The following UGT2A1 variants were observed in gnomAD, a reference collection of about 807,000 sequenced individuals.
UGT2A1 encodes UDP glucuronosyltransferase family 2 member A1 complex locus.
A neutral mutation model predicts 45.4 loss-of-function variants in UGT2A1; 61 were observed. That is an observed-to-expected ratio of 1.34 (90% confidence interval 1.09 to 1.66). UGT2A1 has a LOEUF of 1.66. UGT2A1 is among the 40% of genes most tolerant of loss of function. The pLI is 0.00. For missense variants in UGT2A1, 649 were observed against 574.3 expected (o/e 1.13, Z -1.33); for synonymous variants, 229 against 196.2 (o/e 1.17, Z -1.40).
chr4:69,596,437 G>T (rs1216456038), intron 4 of UGT2A1: 1 of 1,419,248 alleles, frequency 7.0e-7, no homozygotes, highest in Non-Finnish European at 9.3e-7. Flanking sequence ...GAAAAAATAA[G>T]TTTACTTACA....
rs574396394 is a variant in UGT2A1, at chr4:69,642,942, G to T, written c.715+3988C>A. 1.2e-3 allele frequency among the ~76,000 whole-genome samples: 187 copies of T among 151,046 alleles called. 1 individual carries two copies. The highest frequency in any genetic ancestry group is 3.1e-3 in the Admixed American group (47 of 15,116). On this transcript the variant is annotated intron_variant, in intron 2 of 6. Transcript: ENST00000286604. ...CTCCCCTTAAATGTGCCCAGTTTTG[G>T]TGTTTTTTTTTAAATAAAAGTAAAA...
chr4:69,620,466 A>G (rs1720684344), intron 3 of UGT2A1, among the ~76,000 whole-genome samples: 1 of 147,880 alleles, frequency 6.8e-6, no homozygotes, highest in Non-Finnish European at 1.5e-5. Flanking sequence ...AACACTGCTC[A>G]AAGAAATCAG....
chr4:69,614,461 A>AT (rs60158482), intron 3 of UGT2A1, among the ~76,000 whole-genome samples: 59,817 of 151,460 alleles, frequency 0.39, 12,113 homozygotes, highest in African/African-American at 0.48. Context: ...CAAATTAAAA[A>AT]ATATATATAT....
Position 69,605,668 on chromosome 4 carries a change from A to T in UGT2A1, c.848-6274T>A. Among the ~76,000 whole-genome samples the T allele has an allele frequency of 1.5e-5, 2 of 136,738 alleles. 1 individual carries two copies. The highest frequency in any genetic ancestry group is 3.1e-5 in the Non-Finnish European group (2 of 64,332). The allele number at this position is 136,738 out of a possible 152,430, so 89.7% of individuals were successfully genotyped here. On this transcript the variant is annotated intron_variant, in intron 3 of 6. Coordinates refer to ENST00000286604, the MANE Select transcript of UGT2A1 (RefSeq NM_001252275.3). Reference sequence around the variant, plus strand: ...TTGAAAAGATCAACCAAACTGATAGACCACTAGCAAGACTAATAAAGAAGA... The same window carrying T: ...TTGAAAAGATCAACCAAACTGATAGTCCACTAGCAAGACTAATAAAGAAGA...
chr4:69,624,844 AT>A (rs932667990), intron 3 of UGT2A1, among the ~76,000 whole-genome samples: 15 of 151,414 alleles, frequency 9.9e-5, no homozygotes, highest in Admixed American at 2.0e-4. Flanking sequence ...ATTAAATAAC[AT>A]TTTTTAAGTC....
intron 1 of UGT2A1, among the ~76,000 whole-genome samples, chr4:69,651,360 A>G (rs1722517135): frequency 1.3e-5 from 2 of 152,164 alleles, no homozygotes; most frequent in Non-Finnish European, 2.9e-5. Context: ...AAAACATCAC[A>G]AATATGTCAT....
chr4:69,610,103 T>G (rs1157961879), intron 3 of UGT2A1, among the ~76,000 whole-genome samples: 1 of 152,238 alleles, frequency 6.6e-6, no homozygotes, highest in African/African-American at 2.4e-5. Flanking sequence ...GCAGCAAAAC[T>G]TTACACTCAT....
intron 2 of UGT2A1, among the ~76,000 whole-genome samples, chr4:69,642,954 A>T (rs943844958): frequency 4.6e-5 from 7 of 151,114 alleles, no homozygotes; most frequent in African/African-American, 1.7e-4. Context: ...GTTTTTTTTT[A>T]AATAAAAGTA....
Position 69,594,652 on chromosome 4 carries a change from C to T in UGT2A1, c.1129G>A (p.Gly377Arg). Residue 377 changes from glycine to arginine, a missense_variant, in exon 6 of 7, where the codon GGG becomes AGG. By Grantham distance (125) the Gly-to-Arg change is moderately radical. Coordinates refer to ENST00000286604, the MANE Select transcript of UGT2A1 (RefSeq NM_001252275.3). The stretch of plus-strand genomic sequence containing the variant: ...CCGTGGTAAATAGCTTCGTAGATCC[C>T]ATTAGTTCCACCATGAGTGATAAAA... ...KAFITHGGTN[G>R]IYEAIYHGVP... 2.5e-6 allele frequency: 4 copies of T among 1,614,028 alleles called. No individual in the cohort carries two copies. The highest frequency in any genetic ancestry group is 3.4e-6 in the Non-Finnish European group (4 of 1,180,014).
At chr4:69,591,084 T>C (rs1718570218) in intron 6 of UGT2A1, among the ~76,000 whole-genome samples, 1 of 152,174 alleles carries the variant, frequency 6.6e-6, no homozygotes, top group African/African-American at 2.4e-5. Context: ...TATTTAGAAA[T>C]TTCTAACAGT....
At position 69,598,729 on chromosome 4, in the gene UGT2A1, G is replaced by T. The variant is rs369966799; in HGVS notation, c.996+517C>A. On this transcript the variant is annotated intron_variant, in intron 4 of 6. Transcript: ENST00000286604. ...AAAAGAGTTTTTTTTTTAACCAATT[G>T]TTTCCTAACAGTAGATGGCACAACT... Among the ~76,000 whole-genome samples the T allele has an allele frequency of 5.9e-5, 9 of 151,870 alleles. No individual in the cohort carries two copies. The East Asian group carries it at 9.7e-4, about 16-fold the overall frequency.
rs369906858 is a variant in UGT2A1 at position 69,639,007 on chromosome 4, G to T, written c.716-3185C>A. 5.6e-6 allele frequency: 9 copies of T among 1,613,048 alleles called. No individual in the cohort carries two copies. In the African/African-American group the frequency reaches 6.7e-5, roughly 12 times the overall value. Reference sequence around the variant, plus strand: ...TTAATCCTTTCACCAAAGGTCATCTGGTCAGTGAGCTCTGATAAGGCTGCC... The same window carrying T: ...TTAATCCTTTCACCAAAGGTCATCTTGTCAGTGAGCTCTGATAAGGCTGCC... On this transcript the variant is annotated intron_variant, in intron 2 of 6. Transcript: ENST00000286604.
chr4:69,607,132 C>T (rs544263850), intron 3 of UGT2A1, among the ~76,000 whole-genome samples: 2,669 of 147,624 alleles, frequency 0.018, 45 homozygotes, highest in Non-Finnish European at 0.027. Context: ...GCCAAAAGAA[C>T]AAAGCTGGAG....
intron 4 of UGT2A1, among the ~76,000 whole-genome samples, chr4:69,596,998 A>G (rs1343829458): frequency 2.0e-5 from 3 of 152,218 alleles, no homozygotes; most frequent in African/African-American, 7.2e-5. Flanking sequence ...TAACCAATCA[A>G]CAGGGTTGTT....
intron 3 of UGT2A1, among the ~76,000 whole-genome samples, chr4:69,616,033 G>A (rs571821237): frequency 8.6e-5 from 13 of 151,912 alleles, no homozygotes; most frequent in Non-Finnish European, 1.8e-4. Context: ...GTGAATCAAC[G>A]GACAAGTGAA....
In UGT2A1 at chr4:69,646,946, G is replaced by A; in HGVS notation, c.699C>T (p.Tyr233=). Reference sequence around the variant, plus strand: ...GTTACATACCTAAAGCTTTACTATAGTATGAATCCCATGATTTCCAAAGAG... The same window carrying A: ...GTTACATACCTAAAGCTTTACTATAATATGAATCCCATGATTTCCAAAGAG... ...FETLWKSWDS[Y]YSKALGGLLL... is the part of the protein sequence containing the mutation. Residue 233 remains tyrosine, a synonymous_variant, in exon 2 of 7, where the codon TAC becomes TAT. Transcript: ENST00000286604. 1.3e-6 allele frequency: 2 copies of A among 1,593,408 alleles called. No individual in the cohort carries two copies. Among genetic ancestry groups the A allele is most frequent in the East Asian group, 2.2e-5 (1 of 44,808 alleles).
intron 3 of UGT2A1, among the ~76,000 whole-genome samples, chr4:69,621,800 A>G (rs536563333): frequency 6.6e-6 from 1 of 152,116 alleles, no homozygotes; most frequent in South Asian, 2.1e-4. Flanking sequence ...GTATATATGC[A>G]TCATAGAAAA....
intron 3 of UGT2A1, among the ~76,000 whole-genome samples, chr4:69,615,668 T>C (rs553942723): frequency 2.6e-5 from 4 of 151,734 alleles, no homozygotes; most frequent in Non-Finnish European, 5.9e-5. Context: ...TGAGATATCA[T>C]CTGAGCCCAG....
At chr4:69,652,968 G>T (rs767355685) in intron 1 of UGT2A1, among the ~76,000 whole-genome samples, 4 of 152,198 alleles carry the variant, frequency 2.6e-5, no homozygotes, top group African/African-American at 9.6e-5. Flanking sequence ...TGTCCACACA[G>T]TTCCCTCGAT....
Sources: gnomAD v4.1 joint callset for allele counts (sites outside exome capture counted in the v4.1 genomes callset) on GRCh38, gnomAD v4.1.1 for gene constraint, MANE v1.5 for transcripts, NCBI Gene and HGNC (gene_info 2026-07-23, HGNC 2026-07-21) for gene names.